Variants in MEIOC observed in about 807,000 individuals in gnomAD.
The protein encoded by MEIOC is meiosis-specific coiled-coil domain-containing protein MEIOC.
In MEIOC, 9 loss-of-function variants were observed where a neutral mutation model predicts 85.3. The ratio of observed to expected loss-of-function variants is 0.11; its 90% confidence interval spans 0.06 to 0.18. MEIOC has a LOEUF of 0.18. Ranked by LOEUF, MEIOC falls within the 10% of genes least tolerant of loss-of-function variation. The pLI is 1.00. For synonymous variants in MEIOC, 365 were observed against 393.7 expected (o/e 0.93, Z 0.86); for missense variants, 898 against 1,129.4 (o/e 0.80, Z 2.94).
Position 44,667,515 on chromosome 17 carries a change from A to T in MEIOC, c.1604A>T (p.Tyr535Phe). The T allele has an allele frequency of 6.2e-7, 1 of 1,613,990 alleles. No individual in the cohort carries two copies. The highest frequency in any genetic ancestry group is 8.5e-7 in the Non-Finnish European group (1 of 1,179,874). ...CCAAATAGCAATTTATTTCAGAAAT[A>T]TTGCCAAGAAAACCCTTCAGCATTT... ...LTPNSNLFQK[Y>F]CQENPSAFSS... The change falls in exon 5 of 8, where the codon TAT becomes TTT. Residue 535 changes from tyrosine (Y) to phenylalanine (F), a missense_variant. Around this residue, in one of 2 missense-constraint regions of MEIOC, gnomAD observed 734 missense variants for 860.1 expected, o/e 0.85. Transcript: ENST00000409122.
In MEIOC at chr17:44,674,784, T is replaced by C. The variant is rs1401049006; in HGVS notation, c.*588T>C. 3 of 982,820 alleles carry C rather than the reference T, an allele frequency of 3.1e-6. No homozygotes were observed. Among genetic ancestry groups the C allele is most frequent in the African/African-American group, 3.5e-5 (2 of 57,190 alleles). The allele number at this position is 982,820 out of a possible 1,614,324, so 60.9% of individuals were successfully genotyped here. On this transcript the variant is annotated 3_prime_UTR_variant, in exon 8 of 8. Transcript: ENST00000409122. Reference sequence around the variant, plus strand: ...TTTGGAATCTTAATGCCTAGGTATATGGAGGGAAATGCATCTGATTCTCCT... The same window carrying C: ...TTTGGAATCTTAATGCCTAGGTATACGGAGGGAAATGCATCTGATTCTCCT...
chr17:44,674,045 G>A lies in MEIOC; in HGVS notation c.2708G>A (p.Trp903Ter). 1 of 1,551,628 alleles carries A rather than the reference G, an allele frequency of 6.4e-7. No homozygotes were observed. The highest frequency in any genetic ancestry group is 8.7e-7 in the Non-Finnish European group (1 of 1,146,940). ...VATRKTRTALWCALQMTLPKT... is the reference protein window; with the variant it reads ...VATRKTRTAL ...ACTCGGAAAACACGCACTGCCCTGT[G>A]GTGTGCACTGCAGATGACCTTGCCA... Residue 903 changes from tryptophan (W) to a stop codon, truncating the protein, a stop_gained, in exon 8 of 8, where the codon TGG becomes TAG. Coordinates refer to ENST00000409122, the MANE Select transcript of MEIOC (RefSeq NM_001145080.3). LOFTEE classifies it high-confidence loss of function.
chr17:44,664,095 G>A (rs766649996), intron 3 of MEIOC, among the ~76,000 whole-genome samples: 5 of 152,144 alleles, frequency 3.3e-5, no homozygotes, highest in Non-Finnish European at 7.4e-5. Context: ...ACAGGGCCGG[G>A]ATTGGTGGCT....
chr17:44,656,866 C>A (rs1971764678), intron 1 of MEIOC, among the ~76,000 whole-genome samples, 184 bp downstream of exon 1: 1 of 142,030 alleles, frequency 7.0e-6, no homozygotes, highest in Non-Finnish European at 1.5e-5. Flanking sequence ...CCGGACGGAG[C>A]GCGGGTCGCC....
intron 3 of MEIOC, among the ~76,000 whole-genome samples, chr17:44,664,237 C>T (rs1192466319): frequency 6.6e-6 from 1 of 152,098 alleles, no homozygotes; most frequent in Non-Finnish European, 1.5e-5. Flanking sequence ...TGGCACGCGC[C>T]TGTAGTCCCA....
chr17:44,665,511 A>G, intron 4 of MEIOC, 23 bp downstream of exon 4: 1 of 1,270,914 alleles, frequency 7.9e-7, no homozygotes, highest in Non-Finnish European at 1.1e-6. Context: ...TCTATATAGT[A>G]TATAACAGGC....
In MEIOC at chr17:44,674,343, T is replaced by A; in HGVS notation, c.*147T>A. 7.1e-7 allele frequency: 1 copy of A among 1,412,098 alleles called. No individual in the cohort carries two copies. The highest frequency in any genetic ancestry group is 9.2e-7 in the Non-Finnish European group (1 of 1,085,496). 87.5% of individuals were successfully genotyped at this position (1,412,098 alleles called of 1,614,324 possible). ...ACCTTAATGAAGTCTAACTTCTATT[T>A]AAAAATCTTCTATTTGAAGTGAATC... On this transcript the variant is annotated 3_prime_UTR_variant, in exon 8 of 8. Transcript: ENST00000409122.
intron 2 of MEIOC, among the ~76,000 whole-genome samples, chr17:44,658,353 C>T (rs1971794724): frequency 1.3e-5 from 2 of 150,744 alleles, no homozygotes; most frequent in Admixed American, 1.3e-4. Flanking sequence ...TACGGGGTTT[C>T]ACTGTGTTAG....
intron 2 of MEIOC, among the ~76,000 whole-genome samples, chr17:44,659,384 C>T (rs141068772): frequency 3.0e-4 from 45 of 152,218 alleles, no homozygotes; most frequent in African/African-American, 1.1e-3. Context: ...TTTCAGTTCA[C>T]TGTTTTAAGT....
intron 1 of MEIOC, among the ~76,000 whole-genome samples, chr17:44,656,914 G>T (rs1269328285): frequency 1.3e-5 from 2 of 150,428 alleles, no homozygotes; most frequent in Non-Finnish European, 3.0e-5. Context: ...TGAGGCGGTG[G>T]CCGGGGAGGG....
In MEIOC at chr17:44,662,410, T is replaced by C. The variant is rs903326507; in HGVS notation, c.298T>C (p.Trp100Arg). Residue 100 changes from tryptophan to arginine, a missense_variant, in exon 3 of 8, where the codon TGG becomes CGG. Physicochemically the swap from Trp to Arg is moderately radical, Grantham distance 101. This residue lies in a region of MEIOC where 734 missense variants were observed against 860.1 expected (regional missense o/e 0.85). Coordinates refer to ENST00000409122, the MANE Select transcript of MEIOC (RefSeq NM_001145080.3). ...AGATTCTTCACTTTTCTGTGCACCA[T>C]GGTCTACTTATGGAGATGACATTAA... is the stretch of plus-strand genomic sequence containing the variant. ...SVDSSLFCAP[W>R]STYGDDIKQP... 14 of 1,548,956 alleles carry C rather than the reference T, an allele frequency of 9.0e-6. No individual in the cohort carries two copies. The highest frequency in any genetic ancestry group is 1.2e-5 in the Non-Finnish European group (14 of 1,144,666).
chr17:44,664,077 A>T (rs1971875856), intron 3 of MEIOC, among the ~76,000 whole-genome samples: 1 of 152,164 alleles, frequency 6.6e-6, no homozygotes. Context: ...TTTATTATAA[A>T]ACAATGTACA....
At position 44,668,139 on chromosome 17, in the gene MEIOC, C is replaced by T. The variant is rs781466044; in HGVS notation, c.2228C>T (p.Pro743Leu). ...ATGCCAACTTTTGGATTTCAAAGAC[C>T]AATTAAAACCCGTAGTGGACCAGCC... The part of the protein sequence containing the change: ...GLMPTFGFQR[P>L]IKTRSGPASE... Residue 743 changes from proline (P) to leucine (L), a missense_variant, in exon 5 of 8, where the codon CCA becomes CTA. Transcript: ENST00000409122. 9.9e-6 allele frequency: 16 copies of T among 1,613,644 alleles called. No homozygotes were observed. In the East Asian group the frequency reaches 1.1e-4, roughly 11 times the overall value.
intron 2 of MEIOC, among the ~76,000 whole-genome samples, chr17:44,660,906 A>G (rs1209724357): frequency 6.6e-6 from 1 of 151,820 alleles, no homozygotes; most frequent in Non-Finnish European, 1.5e-5. Context: ...CAGCCTGGGC[A>G]ACACAGTGAG....
chr17:44,658,224 C>T (rs1034507948), intron 2 of MEIOC, among the ~76,000 whole-genome samples: 7 of 149,802 alleles, frequency 4.7e-5, no homozygotes, highest in East Asian at 2.0e-4. Context: ...ACGCAATCTC[C>T]GCTCACTGCA....
chr17:44,669,310 T>C, intron 5 of MEIOC, 73 bp from the exon 6 acceptor site: 3 of 1,242,264 alleles, frequency 2.4e-6, no homozygotes, highest in Non-Finnish European at 3.4e-6. Flanking sequence ...TTATTAGGCT[T>C]ACGAAAACTA....
At chr17:44,658,258 C>T (rs1971793064) in intron 2 of MEIOC, among the ~76,000 whole-genome samples, 1 of 147,936 alleles carries the variant, frequency 6.8e-6, no homozygotes, top group African/African-American at 2.5e-5. Context: ...AGGTTCACGC[C>T]ATTCTCCTGC....
chr17:44,657,787 G>T (rs1250989361), intron 2 of MEIOC, among the ~76,000 whole-genome samples: 1 of 151,732 alleles, frequency 6.6e-6, no homozygotes, highest in Admixed American at 6.6e-5. Context: ...TCCCAACCTC[G>T]GGTGATCCGC....
chr17:44,658,852 G>A (rs752353712), intron 2 of MEIOC, among the ~76,000 whole-genome samples: 5 of 150,894 alleles, frequency 3.3e-5, no homozygotes, highest in East Asian at 1.9e-4. Flanking sequence ...TCATTGATTC[G>A]TTTCCATCTT....
Sources: gnomAD v4.1 joint callset for allele counts (sites outside exome capture counted in the v4.1 genomes callset) on GRCh38, gnomAD v4.1.1 for gene constraint, gnomAD v4.1.1 regional missense constraint, MANE v1.5 for transcripts, NCBI Gene and HGNC (gene_info 2026-07-23, HGNC 2026-07-21) for gene names.